Variants in MCPH1 observed in about 807,000 individuals in gnomAD.
MCPH1 encodes the protein microcephalin 1, also known as microcephalin.
Under a neutral mutation model 84.5 loss-of-function variants are expected in MCPH1, and 104 were observed. The observed-to-expected ratio is 1.23, with a 90% confidence interval of 1.05 to 1.45. MCPH1 has a LOEUF of 1.45. MCPH1 is among the 40% of genes most tolerant of loss of function. The probability of loss-of-function intolerance (pLI) is 0.00; values close to 1 mark genes in which losing one functional copy is unlikely to be tolerated. For synonymous variants in MCPH1, 514 were observed against 366.8 expected, an observed-to-expected ratio of 1.40 and a Z score of -4.58; for missense variants, 1,498 against 1,005.7, an observed-to-expected ratio of 1.49 and a Z score of -6.62.
In MCPH1 at chr8:6,629,654, T is replaced by C. The variant is rs1384241102; in HGVS notation, c.2452+7963T>C. 3.3e-5 allele frequency among the ~76,000 whole-genome samples: 5 copies of C among 152,154 alleles called. No individual in the cohort carries two copies. In the East Asian group the frequency reaches 9.7e-4, roughly 29 times the overall value. On this transcript the variant is annotated intron_variant, in intron 13 of 13. Transcript: ENST00000344683. Reference sequence around the variant, plus strand: ...CCTGCCCTCCAGAACTGTGAAAAAATACATGTCTGCTGTTTAAGCCACCCA... The same window carrying C: ...CCTGCCCTCCAGAACTGTGAAAAAACACATGTCTGCTGTTTAAGCCACCCA...
intron 12 of MCPH1, among the ~76,000 whole-genome samples, chr8:6,619,510 C>G (rs1345008507): frequency 6.6e-6 from 1 of 151,976 alleles, no homozygotes; most frequent in Non-Finnish European, 1.5e-5. Flanking sequence ...AGACCGGTCT[C>G]GAACTCCTGA....
intron 12 of MCPH1, among the ~76,000 whole-genome samples, chr8:6,599,896 A>T (rs1224612254): frequency 2.6e-5 from 4 of 152,220 alleles, no homozygotes; most frequent in Non-Finnish European, 4.4e-5. Flanking sequence ...CCAAAGAAAA[A>T]CAATAACTTG....
intron 11 of MCPH1, 131 bp downstream of exon 11, chr8:6,481,007 G>C: frequency 1.8e-6 from 2 of 1,113,944 alleles, no homozygotes; most frequent in Non-Finnish European, 2.6e-6. Context: ...TGTGAGCTGG[G>C]AACACCCGTC....
chr8:6,508,797 T>C, intron 12 of MCPH1: 1 of 1,248,454 alleles, frequency 8.0e-7, no homozygotes, highest in Non-Finnish European at 1.2e-6. Flanking sequence ...CATTTACCTA[T>C]ATCAAGCTAG....
intron 3 of MCPH1, among the ~76,000 whole-genome samples, chr8:6,426,088 C>T (rs1053852208): frequency 6.6e-6 from 1 of 152,208 alleles, no homozygotes; most frequent in East Asian, 1.9e-4. Flanking sequence ...TTTCCTTCCT[C>T]GTTCTCTTCC....
At chr8:6,475,690 T>C (rs978018309) in intron 9 of MCPH1, among the ~76,000 whole-genome samples, 12 of 151,724 alleles carry the variant, frequency 7.9e-5, no homozygotes, top group African/African-American at 2.9e-4. Flanking sequence ...CAAGAGAGAG[T>C]GGGACCCATG....
intron 12 of MCPH1, among the ~76,000 whole-genome samples, chr8:6,561,100 C>T (rs547938275): frequency 1.3e-5 from 2 of 152,204 alleles, no homozygotes; most frequent in Non-Finnish European, 2.9e-5. Flanking sequence ...ATATAGTTTG[C>T]CTTCCACATA....
intron 2 of MCPH1, among the ~76,000 whole-genome samples, chr8:6,414,089 T>C (rs941940113): frequency 2.0e-5 from 3 of 152,182 alleles, no homozygotes; most frequent in African/African-American, 7.2e-5. Context: ...TTCCAACTTT[T>C]TGAATGATTG....
At chr8:6,629,052 G>A (rs766732989) in intron 13 of MCPH1, among the ~76,000 whole-genome samples, 1 of 152,200 alleles carries the variant, frequency 6.6e-6, no homozygotes, top group Non-Finnish European at 1.5e-5. Context: ...ATAGGTTGAA[G>A]CCTTCCCAGT....
intron 12 of MCPH1, chr8:6,502,347 C>T (rs1164946806): frequency 6.6e-6 from 1 of 152,086 alleles, no homozygotes; most frequent in Non-Finnish European, 1.5e-5. Context: ...ATTTAACAAT[C>T]AGGCAGAAAA....
chr8:6,575,863 T>G (rs2129576713), intron 12 of MCPH1, among the ~76,000 whole-genome samples: 1 of 152,258 alleles, frequency 6.6e-6, no homozygotes, highest in Middle Eastern at 3.4e-3. Flanking sequence ...GAGCAGCCAC[T>G]GCCAGCAGTT....
chr8:6,508,651 AG>A (rs1235322349), intron 12 of MCPH1: 8 of 586,812 alleles, frequency 1.4e-5, no homozygotes, highest in Non-Finnish European at 2.4e-5. Flanking sequence ...GCACAAACGC[AG>A]GAGAGCTTGC....
At chr8:6,436,759 G>T (rs931795815) in intron 5 of MCPH1, among the ~76,000 whole-genome samples, 5 of 151,774 alleles carry the variant, frequency 3.3e-5, no homozygotes, top group Admixed American at 6.6e-5. Flanking sequence ...CACGAGGTCA[G>T]GAGATAGAGA....
intron 11 of MCPH1, among the ~76,000 whole-genome samples, chr8:6,489,398 C>G (rs1810315537): frequency 1.3e-5 from 2 of 152,042 alleles, no homozygotes; most frequent in South Asian, 4.2e-4. Context: ...AGAAGGGGGA[C>G]TGTCTCAGGA....
intron 12 of MCPH1, among the ~76,000 whole-genome samples, chr8:6,618,303 T>C (rs761402769): frequency 2.0e-5 from 3 of 152,204 alleles, no homozygotes; most frequent in Non-Finnish European, 4.4e-5. Context: ...CTTTTTAAAA[T>C]GTACCAGTGT....
intron 3 of MCPH1, among the ~76,000 whole-genome samples, chr8:6,430,943 G>A (rs940844019): frequency 2.6e-5 from 4 of 152,176 alleles, no homozygotes; most frequent in Admixed American, 6.5e-5. Flanking sequence ...CCAGAGATAC[G>A]AAGGTGGACA....
intron 12 of MCPH1, among the ~76,000 whole-genome samples, chr8:6,605,439 G>A (rs922577440): frequency 1.3e-5 from 2 of 152,210 alleles, no homozygotes; most frequent in Non-Finnish European, 2.9e-5. Flanking sequence ...TGCGATGGGA[G>A]TTTGCATTTT....
At chr8:6,506,936 C>T (rs1321164419) in intron 12 of MCPH1, among the ~76,000 whole-genome samples, 1 of 151,500 alleles carries the variant, frequency 6.6e-6, no homozygotes, top group South Asian at 2.1e-4. Flanking sequence ...TCACTCTTGT[C>T]GTCCAGGCTG....
At chr8:6,597,040 G>T (rs1454369035) in intron 12 of MCPH1, among the ~76,000 whole-genome samples, 60 of 152,202 alleles carry the variant, frequency 3.9e-4, no homozygotes, top group Admixed American at 3.9e-3. Context: ...AATGGGGCCA[G>T]GTGGGCAGGA....
Sources: gnomAD v4.1 joint callset for allele counts (sites outside exome capture counted in the v4.1 genomes callset) on GRCh38, gnomAD v4.1.1 for gene constraint, MANE v1.5 for transcripts, NCBI Gene and HGNC (gene_info 2026-07-23, HGNC 2026-07-21) for gene names.